PRPF8: variants seen among roughly 807,000 people sequenced by gnomAD.
PRPF8 encodes the protein pre-mRNA-processing-splicing factor 8.
PRPF8 carries 64 observed loss-of-function variants against 285.9 expected under a neutral mutation model. That is an observed-to-expected ratio of 0.22 (90% CI 0.18 to 0.28). PRPF8 has a LOEUF of 0.28. PRPF8 is among the 10% of genes least tolerant of loss of function. The pLI, the probability that PRPF8 is intolerant of heterozygous loss-of-function variation, is 1.00. For missense variants in PRPF8, 1,426 were observed against 3,026.7 expected, an observed-to-expected ratio of 0.47 and a Z score of 12.41; for synonymous variants, 1,325 against 1,118.2, an observed-to-expected ratio of 1.18 and a Z score of -3.69.
chr17:1,670,561 A>G (rs921328287), intron 24 of PRPF8, among the ~76,000 whole-genome samples: 15 of 151,732 alleles, frequency 9.9e-5, no homozygotes, highest in Admixed American at 6.6e-4. Context: ...ATCTCGGCTC[A>G]CTGCAACCTC....
rs1912813179 is a variant in PRPF8 at position 1,679,853 on chromosome 17, T to G, written c.1099-54A>C. ...GCTCCTGCTGAACTAGGCACAGACTTAAGATGAGGGAAATTCTCTGGGGCC... is the reference window on the plus strand; with the variant it reads ...GCTCCTGCTGAACTAGGCACAGACTGAAGATGAGGGAAATTCTCTGGGGCC... On this transcript the variant is annotated intron_variant, in intron 8 of 42. Coordinates refer to ENST00000304992, the MANE Select transcript of PRPF8 (RefSeq NM_006445.4). The surrounding 1 kb of genome is among the most constrained non-coding windows in gnomAD (Gnocchi z 4.7). 5.0e-6 allele frequency: 8 copies of G among 1,593,620 alleles called. No individual in the cohort carries two copies. The highest frequency in any genetic ancestry group is 2.2e-5 in the East Asian group (1 of 44,810).
rs1913147862 is a variant in PRPF8, at chr17:1,684,712, C to T, written c.-12+68G>A. On this transcript the variant is annotated intron_variant, in intron 1 of 42. Coordinates refer to ENST00000304992, the MANE Select transcript of PRPF8 (RefSeq NM_006445.4). Reference sequence around the variant, plus strand: ...GTGCATCCAGCCCCGCCCGGCCTAACCCCTTCGGTCACTCGGCCCGACCCG... The same window carrying T: ...GTGCATCCAGCCCCGCCCGGCCTAATCCCTTCGGTCACTCGGCCCGACCCG... 8 of 853,970 alleles carry T rather than the reference C, an allele frequency of 9.4e-6. No homozygotes were observed. The East Asian group carries it at 2.1e-4, about 23-fold the overall frequency. 52.9% of individuals were successfully genotyped at this position (853,970 alleles called of 1,614,324 possible).
In PRPF8 at chr17:1,679,467, A is replaced by C. The variant is rs201061310; in HGVS notation, c.1290-57T>G. On this transcript the variant is annotated intron_variant, in intron 9 of 42. Transcript: ENST00000304992. The surrounding 1 kb of genome is among the most constrained non-coding windows in gnomAD (Gnocchi z 4.7). ...TCTCTTCTTCCAGACACTCTGCTAA[A>C]GGCTGCAAGCCTTGGGTTGTCTACC... is the stretch of plus-strand genomic sequence containing the variant. The C allele has an allele frequency of 5.4e-4, 864 of 1,611,920 alleles. No homozygotes were observed. The highest frequency in any genetic ancestry group is 6.1e-4 in the Non-Finnish European group (716 of 1,179,926).
At position 1,658,352 on chromosome 17, in the gene PRPF8, G is replaced by T. The variant is rs766678780; in HGVS notation, c.5406C>A (p.Pro1802=). The change falls in exon 34 of 43, where the codon CCC becomes CCA. Residue 1802 remains proline (P), a synonymous_variant. Coordinates refer to ENST00000304992, the MANE Select transcript of PRPF8 (RefSeq NM_006445.4). This position sits in a 1 kb window ranked among gnomAD's most constrained non-coding sequence, Gnocchi z 4.1. ...TGAAGATGAAGATGGCTCCGTTGAT[G>T]GGCTTGGTTGTCAAGTTCCCTTCAA... ...KTFEGNLTTK[P]INGAIFIFNP... is the part of the protein sequence containing the mutation. The T allele has an allele frequency of 6.2e-7, 1 of 1,614,188 alleles. No individual in the cohort carries two copies. Among genetic ancestry groups the T allele is most frequent in the Non-Finnish European group, 8.5e-7 (1 of 1,180,036 alleles).
chr17:1,675,590 C>T lies in PRPF8; in HGVS notation c.2872+30G>A, dbSNP rs746585365. The stretch of plus-strand genomic sequence containing the variant: ...CGTAGAACTAAATTCCTGCCCCGTT[C>T]CTCACAGGGCGATCTCATGAAAGTT... On this transcript the variant is annotated intron_variant, in intron 19 of 42. Coordinates refer to ENST00000304992, the MANE Select transcript of PRPF8 (RefSeq NM_006445.4). This position sits in a 1 kb window ranked among gnomAD's most constrained non-coding sequence, Gnocchi z 6.0. 6.2e-7 allele frequency: 1 copy of T among 1,612,624 alleles called. No homozygotes were observed. Among genetic ancestry groups the T allele is most frequent in the East Asian group, 2.2e-5 (1 of 44,878 alleles).
chr17:1,683,247 G>A (rs564490265), intron 3 of PRPF8: 30 of 436,186 alleles, frequency 6.9e-5, no homozygotes, highest in African/African-American at 4.6e-4. Flanking sequence ...CACCCGCCTC[G>A]GCCTCCCAAA....
rs750046295 is a variant in PRPF8 at position 1,680,744 on chromosome 17, G to A, written c.1080C>T (p.Ser360=). 3 of 1,613,416 alleles carry A rather than the reference G, an allele frequency of 1.9e-6. No homozygotes were observed. The highest frequency in any genetic ancestry group is 1.1e-5 in the South Asian group (1 of 91,062). ...TCCTCACCTTGACTGAGTGCCTATG[G>A]GAGATTGGGTTGATCAAAGGGTCAA... is the stretch of plus-strand genomic sequence containing the variant. ...FYFDPLINPI[S]HRHSVKSQEP... The change falls in exon 8 of 43, where the codon TCC becomes TCT. Residue 360 remains serine (S), a synonymous_variant. Coordinates refer to ENST00000304992, the MANE Select transcript of PRPF8 (RefSeq NM_006445.4).
At chr17:1,684,264 G>C (rs376122706) in intron 2 of PRPF8, among the ~76,000 whole-genome samples, 37 of 152,314 alleles carry the variant, frequency 2.4e-4, no homozygotes, top group African/African-American at 8.9e-4. Context: ...GTAAGGACAG[G>C]AATTTTGTCT....
chr17:1,664,730 G>A (rs1424884655), intron 24 of PRPF8, among the ~76,000 whole-genome samples: 1 of 151,970 alleles, frequency 6.6e-6, no homozygotes, highest in African/African-American at 2.4e-5. Flanking sequence ...TGGAATCAAA[G>A]CAGAAACTAA....
At chr17:1,662,364 G>C (rs1252104666) in intron 24 of PRPF8, among the ~76,000 whole-genome samples, 1 of 152,154 alleles carries the variant, frequency 6.6e-6, no homozygotes, top group Non-Finnish European at 1.5e-5. Context: ...CAAGGTGGGA[G>C]GACTGCTTGA....
chr17:1,660,090 T>C lies in PRPF8; in HGVS notation c.4786-89A>G. ...CAATAAGATAATGAGGCAATAGGAG[T>C]CTCATCCTCAGAGCTTCCAGGGTGG... On this transcript the variant is annotated intron_variant, in intron 30 of 42. Coordinates refer to ENST00000304992, the MANE Select transcript of PRPF8 (RefSeq NM_006445.4). 5 of 1,423,192 alleles carry C rather than the reference T, an allele frequency of 3.5e-6. No individual in the cohort carries two copies. The East Asian group carries it at 9.1e-5, about 26-fold the overall frequency. 88.2% of individuals were successfully genotyped at this position (1,423,192 alleles called of 1,614,324 possible). A position where few individuals can be genotyped will look rare whatever the true frequency, so the allele number is the denominator to read the frequency against.
Position 1,676,155 on chromosome 17 carries a change from C to A in PRPF8, c.2552+52G>T. 1 of 1,612,234 alleles carries A rather than the reference C, an allele frequency of 6.2e-7. No homozygotes were observed. Among genetic ancestry groups the A allele is most frequent in the Non-Finnish European group, 8.5e-7 (1 of 1,179,866 alleles). ...CTTTCTTTGGACTCTGAGGATGACG[C>A]CATTCCCTGCTGTCACCTTCCCAGC... is the stretch of plus-strand genomic sequence containing the variant. On this transcript the variant is annotated intron_variant, in intron 17 of 42. Transcript: ENST00000304992. The surrounding 1 kb of genome is among the most constrained non-coding windows in gnomAD (Gnocchi z 6.3).
At position 1,656,689 on chromosome 17, in the gene PRPF8, G is replaced by C; in HGVS notation, c.5578C>G (p.Gln1860Glu). 1.2e-6 allele frequency: 2 copies of C among 1,614,072 alleles called. No individual in the cohort carries two copies. Among genetic ancestry groups the C allele is most frequent in the Non-Finnish European group, 1.7e-6 (2 of 1,180,026 alleles). ...ATGCCCTTCCTGGTGACAATGATCT[G>C]CTTGGGCTGCTCCTCCACAGGCAGA... ...RSLPVEEQPK[Q>E]IIVTRKGMLD... The change falls in exon 35 of 43, where the codon CAG (glutamine) becomes GAG (glutamate). Residue 1860 changes from glutamine (Q) to glutamate (E), a missense_variant. Gln to Glu is a conservative substitution (Grantham distance 29, BLOSUM62 2). This residue lies in a region of PRPF8 where 2 missense variants were observed against 65.4 expected (regional missense o/e 0.03). Transcript: ENST00000304992.
intron 1 of PRPF8, 48 bp downstream of exon 1, chr17:1,684,732 G>T: frequency 1.4e-6 from 1 of 723,144 alleles, no homozygotes; most frequent in South Asian, 1.6e-5. Flanking sequence ...CACTCGGCCC[G>T]ACCCGACCAC....
chr17:1,684,361 A>G, intron 2 of PRPF8, 111 bp downstream of exon 2: 2 of 1,041,182 alleles, frequency 1.9e-6, no homozygotes, highest in Non-Finnish European at 3.0e-6. Context: ...GGAAATAACA[A>G]GGGAGCTGAC....
Position 1,684,506 on chromosome 17 carries a change from C to G in PRPF8, c.66G>C (p.Pro22=). The change falls in exon 2 of 43, where the codon CCG becomes CCC. Residue 22 remains proline, a synonymous_variant. Transcript: ENST00000304992. ...GCAGCTTCTCCTCCGACATGTAGTC[C>G]GGTAGCGGGGCTAGAGGGCCAGGCA... ...NPVPGPLAPL[P]DYMSEEKLQE... The G allele has an allele frequency of 6.2e-7, 1 of 1,612,666 alleles. No homozygotes were observed. The highest frequency in any genetic ancestry group is 8.5e-7 in the Non-Finnish European group (1 of 1,179,806).
Position 1,651,348 on chromosome 17 carries a change from A to T in PRPF8, c.6651-38T>A. ...CGAGGACAGAGTAACAGCTCAGGCC[A>T]CTGTTCTGGGCCCTGGCCTGCAATC... On this transcript the variant is annotated intron_variant, in intron 41 of 42. Coordinates refer to ENST00000304992, the MANE Select transcript of PRPF8 (RefSeq NM_006445.4). This position sits in a 1 kb window ranked among gnomAD's most constrained non-coding sequence, Gnocchi z 5.1. 6.2e-7 allele frequency: 1 copy of T among 1,614,058 alleles called. No homozygotes were observed. The highest frequency in any genetic ancestry group is 8.5e-7 in the Non-Finnish European group (1 of 1,179,982).
intron 24 of PRPF8, among the ~76,000 whole-genome samples, chr17:1,667,538 C>A (rs1236869904): frequency 9.8e-6 from 1 of 102,026 alleles, no homozygotes; most frequent in African/African-American, 4.6e-5. Flanking sequence ...CATGACATAG[C>A]TTTTTTTTTT....
chr17:1,660,271 ACT>A (rs113267366), intron 30 of PRPF8, among the ~76,000 whole-genome samples, 159 bp downstream of exon 30: 23,340 of 150,246 alleles, frequency 0.16, 4,852 homozygotes, highest in African/African-American at 0.48. Context: ...ACCTGAGCTG[ACT>A]CTCTACAGTA....
Sources: allele counts gnomAD v4.1 joint callset (sites outside exome capture counted in the v4.1 genomes callset), GRCh38; gene constraint gnomAD v4.1.1; regional missense constraint gnomAD v4.1.1; non-coding constraint Gnocchi (gnomAD v3.1); transcripts MANE v1.5; gene names NCBI Gene and HGNC (gene_info 2026-07-23, HGNC 2026-07-21).